Variants in PEPD observed in about 807,000 individuals in gnomAD.
PEPD encodes the protein peptidase D.
A neutral mutation model predicts 60.7 loss-of-function variants in PEPD; 53 were observed. That is an observed-to-expected ratio of 0.87 (90% confidence interval 0.70 to 1.10). The LOEUF (loss-of-function observed/expected upper bound fraction) is 1.10. Among genes scored for constraint, PEPD ranks in the 50% least tolerant of loss-of-function variants. PEPD has a pLI of 0.00. For missense variants in PEPD, 711 were observed against 711.9 expected (o/e 1.00, Z 0.01); for synonymous variants, 267 against 284.1 (o/e 0.94, Z 0.60).
intron 9 of PEPD, among the ~76,000 whole-genome samples, chr19:33,416,971 C>T (rs753075530): frequency 1.4e-4 from 22 of 152,324 alleles, no homozygotes; most frequent in Middle Eastern, 3.4e-3. Context: ...GAGACGGCGT[C>T]GCTGGGCCTC....
At position 33,387,494 on chromosome 19, in the gene PEPD, G is replaced by A. The variant is rs1228756092; in HGVS notation, c.1345-13C>T. ...CCTCGATGCGGACCTGGGTCAAGCC[G>A]ACAGACACACATTATCATAGAGCAG... On this transcript the variant is annotated splice_polypyrimidine_tract_variant and intron_variant, in intron 14 of 14. Transcript: ENST00000244137. 14 of 1,612,948 alleles carry A rather than the reference G, an allele frequency of 8.7e-6. No individual in the cohort carries two copies. The highest frequency in any genetic ancestry group is 6.6e-5 in the South Asian group (6 of 91,086).
intron 4 of PEPD, among the ~76,000 whole-genome samples, chr19:33,495,061 A>G (rs940454786): frequency 2.6e-5 from 4 of 151,786 alleles, no homozygotes; most frequent in Non-Finnish European, 4.4e-5. Flanking sequence ...GCATGAACCC[A>G]GGAGGCGGAG....
Position 33,387,872 on chromosome 19 carries a change from G to A in PEPD, c.1344+18C>T. On this transcript the variant is annotated intron_variant, in intron 14 of 14. Coordinates refer to ENST00000244137, the MANE Select transcript of PEPD (RefSeq NM_000285.4). ...GGCAGATGTTCTGGGAGCAAGAATG[G>A]GGCCCGTGGGCACTCACCCCGCCAA... 1 of 1,546,792 alleles carries A rather than the reference G, an allele frequency of 6.5e-7. No individual in the cohort carries two copies. Among genetic ancestry groups the A allele is most frequent in the Non-Finnish European group, 8.7e-7 (1 of 1,143,450 alleles).
intron 9 of PEPD, among the ~76,000 whole-genome samples, chr19:33,456,981 G>C (rs1019661533): frequency 6.6e-6 from 1 of 151,296 alleles, no homozygotes; most frequent in Non-Finnish European, 1.5e-5. Context: ...AGGGGCCCCA[G>C]CCCTGGTCAG....
intron 12 of PEPD, among the ~76,000 whole-genome samples, chr19:33,399,135 T>G (rs981338881): frequency 6.6e-6 from 1 of 152,132 alleles, no homozygotes; most frequent in African/African-American, 2.4e-5. Flanking sequence ...ATTACAGGCA[T>G]GAACCATCAC....
At chr19:33,469,682 C>G (rs1177252943) in intron 7 of PEPD, among the ~76,000 whole-genome samples, 1 of 152,170 alleles carries the variant, frequency 6.6e-6, no homozygotes, top group East Asian at 1.9e-4. Flanking sequence ...GCCACCGAAA[C>G]AGCTTCCTCT....
intron 7 of PEPD, among the ~76,000 whole-genome samples, chr19:33,474,907 G>C (rs1423574044): frequency 6.6e-6 from 1 of 151,542 alleles, no homozygotes; most frequent in Non-Finnish European, 1.5e-5. Context: ...CTGAGCCCAG[G>C]AGGTCAAGGC....
chr19:33,449,788 G>A (rs1422560169), intron 9 of PEPD, among the ~76,000 whole-genome samples: 1 of 152,190 alleles, frequency 6.6e-6, no homozygotes, highest in East Asian at 1.9e-4. Context: ...TCCGATCCCA[G>A]CGGGTGCCAC....
At chr19:33,510,150 C>T (rs1333610903) in intron 3 of PEPD, among the ~76,000 whole-genome samples, 1 of 152,216 alleles carries the variant, frequency 6.6e-6, no homozygotes, top group East Asian at 1.9e-4. Flanking sequence ...GCTAGAATTT[C>T]AGGATTAACA....
intron 8 of PEPD, among the ~76,000 whole-genome samples, 166 bp downstream of exon 8, chr19:33,463,821 G>A (rs901858001): frequency 6.6e-6 from 1 of 152,202 alleles, no homozygotes; most frequent in Non-Finnish European, 1.5e-5. Flanking sequence ...CCTGCCCTGT[G>A]CCCACCAGGG....
At chr19:33,463,088 T>C (rs1345068352) in intron 8 of PEPD, 47 bp from the exon 9 acceptor site, 5 of 1,122,454 alleles carry the variant, frequency 4.5e-6, no homozygotes, top group African/African-American at 1.5e-5. Context: ...AGCAGATCAG[T>C]AACACAGCGT....
intron 9 of PEPD, among the ~76,000 whole-genome samples, chr19:33,417,773 G>C (rs530189072): frequency 6.6e-6 from 1 of 152,302 alleles, no homozygotes; most frequent in South Asian, 2.1e-4. Context: ...GGCATCCTGT[G>C]CCAGGCTTTG....
At chr19:33,399,766 TTC>T (rs1968446900) in intron 12 of PEPD, among the ~76,000 whole-genome samples, 2 of 151,792 alleles carry the variant, frequency 1.3e-5, no homozygotes, top group South Asian at 4.2e-4. Flanking sequence ...CTCCAGATCT[TTC>T]TTTCTTCTTT....
chr19:33,501,460 C>T lies in PEPD; in HGVS notation c.330-459G>A, dbSNP rs541130761. Among the ~76,000 whole-genome samples, 7 of 152,264 alleles carry T rather than the reference C, an allele frequency of 4.6e-5. No individual in the cohort carries two copies. In the East Asian group the frequency reaches 7.8e-4, roughly 17 times the overall value. ...CTTTGGGAGGCCAAGGCAGACAGAT[C>T]ACAAGGTCAGGAGATCCAGACCATC... On this transcript the variant is annotated intron_variant, in intron 3 of 14. Coordinates refer to ENST00000244137, the MANE Select transcript of PEPD (RefSeq NM_000285.4).
intron 9 of PEPD, among the ~76,000 whole-genome samples, chr19:33,436,423 C>T (rs8105921): frequency 0.039 from 5,999 of 152,252 alleles, 174 homozygotes; most frequent in East Asian, 0.076. Context: ...TCTGCCTCAT[C>T]ATGATGGGCC....
At chr19:33,443,619 A>G (rs1474263879) in intron 9 of PEPD, among the ~76,000 whole-genome samples, 1 of 152,228 alleles carries the variant, frequency 6.6e-6, no homozygotes, top group African/African-American at 2.4e-5. Context: ...AAAACAAGTC[A>G]AAGATAGGAA....
intron 7 of PEPD, among the ~76,000 whole-genome samples, chr19:33,465,295 A>T (rs550722299): frequency 4.6e-5 from 7 of 152,284 alleles, no homozygotes; most frequent in Non-Finnish European, 7.4e-5. Flanking sequence ...ACTCCCCAGT[A>T]TTCATGACAG....
intron 9 of PEPD, 145 bp downstream of exon 9, chr19:33,462,850 T>C: frequency 2.7e-6 from 2 of 749,358 alleles, no homozygotes; most frequent in Non-Finnish European, 4.9e-6. Flanking sequence ...AGAAAAATAA[T>C]CTTTGCTTGT....
At chr19:33,411,523 G>A in intron 11 of PEPD, 149 bp downstream of exon 11, 2 of 686,936 alleles carry the variant, frequency 2.9e-6, no homozygotes, top group Non-Finnish European at 5.3e-6. Context: ...GATAGCCTTG[G>A]CAGAGAAGTC....
Sources: allele counts gnomAD v4.1 joint callset (sites outside exome capture counted in the v4.1 genomes callset), GRCh38; gene constraint gnomAD v4.1.1; transcripts MANE v1.5; gene names NCBI Gene and HGNC (gene_info 2026-07-23, HGNC 2026-07-21).